Variants in EXOC6B observed in about 807,000 individuals in gnomAD.
EXOC6B encodes SEC15 homolog B.
A neutral mutation model predicts 113.5 loss-of-function variants in EXOC6B; 54 were observed. That is an observed-to-expected ratio of 0.48 (90% CI 0.38 to 0.60). EXOC6B has a LOEUF of 0.60. Ranked by LOEUF, EXOC6B falls within the 20% of genes least tolerant of loss-of-function variation. The probability of loss-of-function intolerance (pLI) is 0.00; values close to 1 mark genes in which losing one functional copy is unlikely to be tolerated. For missense variants in EXOC6B, 797 were observed against 977.5 expected (o/e 0.82, Z 2.46); for synonymous variants, 357 against 339.0 (o/e 1.05, Z -0.58).
intron 18 of EXOC6B, among the ~76,000 whole-genome samples, chr2:72,443,189 G>A (rs1696327739): frequency 1.3e-5 from 2 of 151,952 alleles, no homozygotes; most frequent in South Asian, 4.2e-4. Flanking sequence ...GCCAGGCGTG[G>A]TGGCGCACCT....
intron 1 of EXOC6B, among the ~76,000 whole-genome samples, chr2:72,768,441 G>A (rs994432286): frequency 6.6e-6 from 1 of 151,490 alleles, no homozygotes; most frequent in African/African-American, 2.4e-5. Flanking sequence ...ACAGGCATGC[G>A]CTACCACCCC....
intron 19 of EXOC6B, among the ~76,000 whole-genome samples, chr2:72,353,154 C>T (rs556253213): frequency 3.0e-4 from 46 of 152,110 alleles, no homozygotes; most frequent in African/African-American, 8.7e-4. Context: ...TCAGCTGAAG[C>T]GATGTTTGGA....
chr2:72,400,188 C>A (rs952641706), intron 18 of EXOC6B, among the ~76,000 whole-genome samples: 3 of 152,034 alleles, frequency 2.0e-5, no homozygotes, highest in African/African-American at 7.2e-5. Context: ...GTAGAAAGTA[C>A]CCCTATTCAG....
intron 6 of EXOC6B, among the ~76,000 whole-genome samples, chr2:72,711,855 G>A (rs971683380): frequency 6.6e-6 from 1 of 152,078 alleles, no homozygotes; most frequent in African/African-American, 2.4e-5. Flanking sequence ...TCTGTCAGGT[G>A]GGACAGAACA....
chr2:72,611,476 G>A (rs1423203543), intron 6 of EXOC6B, among the ~76,000 whole-genome samples: 1 of 152,122 alleles, frequency 6.6e-6, no homozygotes. Context: ...ACCCTGGACT[G>A]GATCCTGAAA....
rs768960461 is a variant in EXOC6B at position 72,514,599 on chromosome 2, T to A, written c.1046+35A>T. ...TTCAATAAATAAATAAATAAATAAA[T>A]AAATAAATATATATATATATATATA... On this transcript the variant is annotated intron_variant, in intron 10 of 21. Coordinates refer to ENST00000272427, the MANE Select transcript of EXOC6B (RefSeq NM_015189.3). 8.8e-5 allele frequency: 18 copies of A among 204,962 alleles called. No individual in the cohort carries two copies. The South Asian group carries it at 2.8e-3, about 32-fold the overall frequency. 12.7% of individuals were successfully genotyped at this position (204,962 alleles called of 1,614,324 possible). A position where few individuals can be genotyped will look rare whatever the true frequency, so the allele number is the denominator to read the frequency against.
chr2:72,391,480 T>C (rs1692378003), intron 18 of EXOC6B, among the ~76,000 whole-genome samples: 1 of 152,194 alleles, frequency 6.6e-6, no homozygotes. Context: ...TTTTCTTTAA[T>C]ATTGGCAATC....
chr2:72,741,226 T>C, intron 2 of EXOC6B, 78 bp downstream of exon 2: 1 of 1,388,954 alleles, frequency 7.2e-7, no homozygotes, highest in African/African-American at 1.5e-5. Context: ...GTGTTCTATG[T>C]TATAATCCTT....
chr2:72,256,122 C>G (rs1019141670), intron 20 of EXOC6B, among the ~76,000 whole-genome samples: 4 of 151,912 alleles, frequency 2.6e-5, no homozygotes, highest in Non-Finnish European at 5.9e-5. Flanking sequence ...ATATAAAGAC[C>G]GAGGGAGAGA....
chr2:72,358,109 T>C (rs1690080510), intron 19 of EXOC6B, among the ~76,000 whole-genome samples: 1 of 152,184 alleles, frequency 6.6e-6, no homozygotes, highest in South Asian at 2.1e-4. Context: ...AAACATGGCA[T>C]AATACATAAC....
chr2:72,257,396 C>A (rs1277806442), intron 20 of EXOC6B, among the ~76,000 whole-genome samples: 1 of 152,008 alleles, frequency 6.6e-6, no homozygotes, highest in African/African-American at 2.4e-5. Context: ...CTCAAACAGA[C>A]AATATTAGTA....
At chr2:72,798,128 G>A (rs2105068441) in intron 1 of EXOC6B, among the ~76,000 whole-genome samples, 1 of 152,166 alleles carries the variant, frequency 6.6e-6, no homozygotes, top group South Asian at 2.1e-4. Context: ...AACTGACAAA[G>A]TAGATATTTA....
chr2:72,400,726 A>T (rs1374732328), intron 18 of EXOC6B, among the ~76,000 whole-genome samples: 2 of 152,046 alleles, frequency 1.3e-5, no homozygotes, highest in African/African-American at 4.8e-5. Flanking sequence ...AAAATAAATT[A>T]AAACCACGAT....
chr2:72,761,392 T>C (rs1011728205), intron 1 of EXOC6B, among the ~76,000 whole-genome samples: 3 of 152,166 alleles, frequency 2.0e-5, no homozygotes, highest in Non-Finnish European at 2.9e-5. Flanking sequence ...TGCTTGCCAA[T>C]AAATTACTTC....
At chr2:72,416,015 G>C (rs1024397373) in intron 18 of EXOC6B, among the ~76,000 whole-genome samples, 1 of 152,090 alleles carries the variant, frequency 6.6e-6, no homozygotes, top group African/African-American at 2.4e-5. Context: ...ACAACTACAA[G>C]GGTTTATTTC....
At chr2:72,616,106 G>GA (rs374030847) in intron 6 of EXOC6B, among the ~76,000 whole-genome samples, 19 of 152,034 alleles carry the variant, frequency 1.2e-4, no homozygotes, top group African/African-American at 4.3e-4. Context: ...TCTATATGTT[G>GA]AAAACTAGAA....
At chr2:72,282,073 C>T (rs1685161276) in intron 20 of EXOC6B, among the ~76,000 whole-genome samples, 1 of 152,016 alleles carries the variant, frequency 6.6e-6, no homozygotes, top group Admixed American at 6.6e-5. Flanking sequence ...CCTCCTCACC[C>T]CCTGCCAACA....
At chr2:72,265,765 A>G (rs1559074827) in intron 20 of EXOC6B, among the ~76,000 whole-genome samples, 1 of 152,088 alleles carries the variant, frequency 6.6e-6, no homozygotes, top group Non-Finnish European at 1.5e-5. Context: ...TTGGGTATAT[A>G]CCCAGTAATG....
Position 72,387,767 on chromosome 2 carries a change from A to T in EXOC6B, c.1981-7897T>A, listed in dbSNP as rs574735383. ...TTTTCTTAACCAATGTATTTTTTTT[A>T]AAAAATAGTGTTTTATTTCTTCCAC... On this transcript the variant is annotated intron_variant, in intron 18 of 21. Transcript: ENST00000272427. 2.3e-3 allele frequency among the ~76,000 whole-genome samples: 354 copies of T among 152,010 alleles called. 2 individuals are homozygous for T. The highest frequency in any genetic ancestry group is 6.9e-3 in the African/African-American group (287 of 41,520).
Sources: gnomAD v4.1 joint callset for allele counts (sites outside exome capture counted in the v4.1 genomes callset) on GRCh38, gnomAD v4.1.1 for gene constraint, MANE v1.5 for transcripts, NCBI Gene and HGNC (gene_info 2026-07-23, HGNC 2026-07-21) for gene names.